Variants in INSYN2B observed in about 807,000 individuals in gnomAD.
INSYN2B encodes protein INSYN2B.
In INSYN2B, 16 loss-of-function variants were observed where a neutral mutation model predicts 41.2. The ratio of observed to expected loss-of-function variants is 0.39; its 90% CI spans 0.26 to 0.59. The LOEUF (loss-of-function observed/expected upper bound fraction) is 0.59, where lower values mean the gene tolerates loss of function less well. INSYN2B is among the 20% of genes least tolerant of loss of function. INSYN2B has a pLI of 0.57. For synonymous variants in INSYN2B, 245 were observed against 244.4 expected (o/e 1.00, Z -0.02); for missense variants, 608 against 646.4 (o/e 0.94, Z 0.64).
At chr5:169,893,903 T>C (rs1336294675) in intron 1 of INSYN2B, among the ~76,000 whole-genome samples, 1 of 152,208 alleles carries the variant, frequency 6.6e-6, no homozygotes, top group Non-Finnish European at 1.5e-5. Context: ...TGTGGTTTTG[T>C]GGTACTTGGA....
chr5:169,891,995 C>CA (rs571918885), intron 1 of INSYN2B, among the ~76,000 whole-genome samples: 1,587 of 63,282 alleles, frequency 0.025, 19 homozygotes, highest in African/African-American at 0.065. Context: ...GATTCCGTCC[C>CA]AAAAAAAAAA....
rs754708876 is a variant in INSYN2B, at chr5:169,962,396, G to A, written c.-919+17881C>T. 1.1e-4 allele frequency among the ~76,000 whole-genome samples: 16 copies of A among 152,174 alleles called. 1 individual carries two copies. The highest frequency in any genetic ancestry group is 4.1e-4 in the South Asian group (2 of 4,826). ...GTCAAAGGTTTCCATAGAGGCAACCGGAAAGTGGGGGAGGATGGAGGTTCC... is the reference window on the plus strand; with the variant it reads ...GTCAAAGGTTTCCATAGAGGCAACCAGAAAGTGGGGGAGGATGGAGGTTCC... On this transcript the variant is annotated intron_variant, in intron 1 of 3. Transcript: ENST00000377365.
chr5:169,947,018 G>T (rs921477791), intron 1 of INSYN2B, among the ~76,000 whole-genome samples: 4 of 152,204 alleles, frequency 2.6e-5, no homozygotes, highest in Admixed American at 6.5e-5. Flanking sequence ...GTATACCCAT[G>T]CTGGAGTGAG....
intron 1 of INSYN2B, among the ~76,000 whole-genome samples, chr5:169,887,606 A>C (rs532158648): frequency 6.6e-6 from 1 of 152,336 alleles, no homozygotes; most frequent in Admixed American, 6.5e-5. Context: ...TAGTTATACA[A>C]TTATCTATTT....
At chr5:169,910,581 C>T (rs1774540715) in intron 1 of INSYN2B, among the ~76,000 whole-genome samples, 1 of 152,162 alleles carries the variant, frequency 6.6e-6, no homozygotes, top group Non-Finnish European at 1.5e-5. Context: ...CCGAGGTTCA[C>T]TGCACTAAGT....
In INSYN2B at chr5:169,861,974, C is replaced by T. The variant is rs1435774069; in HGVS notation, c.*2299G>A. On this transcript the variant is annotated 3_prime_UTR_variant, in exon 4 of 4. Transcript: ENST00000377365. Reference sequence around the variant, plus strand: ...GTTGGGGAAGTGCAGAAAATGTCAACATTTTCTAGTCCCAGTTTTATTTAA... The same window carrying T: ...GTTGGGGAAGTGCAGAAAATGTCAATATTTTCTAGTCCCAGTTTTATTTAA... Among the ~76,000 whole-genome samples, 1 of 150,560 alleles carries T rather than the reference C, an allele frequency of 6.6e-6. No individual in the cohort carries two copies. The highest frequency in any genetic ancestry group is 1.5e-5 in the Non-Finnish European group (1 of 67,734).
chr5:169,919,489 G>T (rs1581416433), intron 1 of INSYN2B, among the ~76,000 whole-genome samples: 2 of 152,308 alleles, frequency 1.3e-5, no homozygotes, highest in South Asian at 2.1e-4. Context: ...GCAGCCACCT[G>T]ATTTATTCTC....
intron 1 of INSYN2B, among the ~76,000 whole-genome samples, chr5:169,929,361 AG>A (rs1427453465): frequency 6.6e-6 from 1 of 152,142 alleles, no homozygotes; most frequent in Non-Finnish European, 1.5e-5. Flanking sequence ...TTTTACACGT[AG>A]ATTTTCCACA....
chr5:169,956,494 C>A (rs1222600728), intron 1 of INSYN2B, among the ~76,000 whole-genome samples: 3 of 152,202 alleles, frequency 2.0e-5, no homozygotes, highest in Non-Finnish European at 2.9e-5. Flanking sequence ...TAAGGAGGGA[C>A]TTCCAAACAA....
intron 1 of INSYN2B, among the ~76,000 whole-genome samples, chr5:169,947,808 G>A (rs914502053): frequency 1.3e-5 from 2 of 152,168 alleles, no homozygotes; most frequent in African/African-American, 4.8e-5. Context: ...CCTGCTGGGT[G>A]AGCATGAGCA....
chr5:169,970,103 A>C (rs576208923), intron 1 of INSYN2B, among the ~76,000 whole-genome samples: 1 of 152,292 alleles, frequency 6.6e-6, no homozygotes, highest in East Asian at 1.9e-4. Flanking sequence ...AGGCCCCTTA[A>C]AGGCATGTTC....
rs1026293940 is a variant in INSYN2B at position 169,863,762 on chromosome 5, C to A, written c.*511G>T. ...GCATAAGCATTTTATGCCCTGCCCA[C>A]TTCTCTTGTGCTTATTATGTATGCT... On this transcript the variant is annotated 3_prime_UTR_variant, in exon 4 of 4. Transcript: ENST00000377365. Among the ~76,000 whole-genome samples, 2 of 152,244 alleles carry A rather than the reference C, an allele frequency of 1.3e-5. No individual in the cohort carries two copies. Among genetic ancestry groups the A allele is most frequent in the African/African-American group, 2.4e-5 (1 of 41,466 alleles).
At chr5:169,938,194 C>T (rs910641574) in intron 1 of INSYN2B, among the ~76,000 whole-genome samples, 1 of 152,104 alleles carries the variant, frequency 6.6e-6, no homozygotes, top group Non-Finnish European at 1.5e-5. Context: ...GCACAGCTGC[C>T]ACCTTAAAGA....
At chr5:169,978,741 C>G (rs1777828207) in intron 1 of INSYN2B, among the ~76,000 whole-genome samples, 1 of 152,108 alleles carries the variant, frequency 6.6e-6, no homozygotes, top group Non-Finnish European at 1.5e-5. Context: ...TGTCTTGGAT[C>G]ACTGAAGAGG....
chr5:169,966,078 G>A (rs935171462), intron 1 of INSYN2B, among the ~76,000 whole-genome samples: 8 of 152,172 alleles, frequency 5.3e-5, no homozygotes, highest in African/African-American at 1.4e-4. Context: ...TGCCAATCTC[G>A]AAATGGCAAT....
chr5:169,884,092 T>A lies in INSYN2B; in HGVS notation c.-194A>T, dbSNP rs1335709780. 6.9e-6 allele frequency: 3 copies of A among 432,164 alleles called. No individual in the cohort carries two copies. Among genetic ancestry groups the A allele is most frequent in the African/African-American group, 6.0e-5 (3 of 49,976 alleles). The allele number at this position is 432,164 out of a possible 1,614,324, so 26.8% of individuals were successfully genotyped here. On this transcript the variant is annotated 5_prime_UTR_variant, in exon 2 of 4. Transcript: ENST00000377365. ...CTAGAGTCTACGTAGGAACTATCTG[T>A]AATGCTTTCCCTGCAGTTAAAATAT...
chr5:169,966,580 G>T (rs139957078), intron 1 of INSYN2B, among the ~76,000 whole-genome samples: 1 of 152,258 alleles, frequency 6.6e-6, no homozygotes, highest in African/African-American at 2.4e-5. Context: ...ACCTGTGGGT[G>T]AATTCAAATC....
chr5:169,961,114 A>G (rs983073544), intron 1 of INSYN2B, among the ~76,000 whole-genome samples: 5 of 152,222 alleles, frequency 3.3e-5, no homozygotes, highest in South Asian at 2.1e-4. Flanking sequence ...CCTGTTGCCC[A>G]TTTGCAATTT....
At chr5:169,886,486 T>C (rs1328206067) in intron 1 of INSYN2B, among the ~76,000 whole-genome samples, 1 of 152,186 alleles carries the variant, frequency 6.6e-6, no homozygotes, top group Non-Finnish European at 1.5e-5. Context: ...AGATAATAAT[T>C]AAGCCTGCCT....
Sources: allele counts gnomAD v4.1 joint callset (sites outside exome capture counted in the v4.1 genomes callset), GRCh38; gene constraint gnomAD v4.1.1; transcripts MANE v1.5; gene names NCBI Gene and HGNC (gene_info 2026-07-23, HGNC 2026-07-21).